Variants in PON3 observed in about 807,000 individuals in gnomAD.
The protein encoded by PON3 is serum paraoxonase/lactonase 3.
In PON3, 37 loss-of-function variants were observed where a neutral mutation model predicts 36.3. That is an observed-to-expected ratio of 1.02 (90% CI 0.78 to 1.34). The LOEUF (loss-of-function observed/expected upper bound fraction) is 1.34, where lower values mean the gene tolerates loss of function less well. Among genes scored for constraint, PON3 ranks in the 40% most tolerant of loss-of-function variants. PON3 has a pLI of 0.00. For missense variants in PON3, 415 were observed against 426.5 expected (o/e 0.97, Z 0.24); for synonymous variants, 155 against 154.8 (o/e 1.00, Z -0.01).
At chr7:95,368,207 A>G (rs561416703) in intron 4 of PON3, among the ~76,000 whole-genome samples, 44 of 152,164 alleles carry the variant, frequency 2.9e-4, no homozygotes, top group Admixed American at 1.6e-3. Context: ...AGGTTTGATG[A>G]GCTCTGGAGT....
intron 3 of PON3, among the ~76,000 whole-genome samples, chr7:95,383,518 A>T (rs2116410210): frequency 6.6e-6 from 1 of 152,328 alleles, no homozygotes; most frequent in South Asian, 2.1e-4. Flanking sequence ...CAGGATACAA[A>T]ATCAATGTGC....
At chr7:95,364,937 T>G (rs950108530) in intron 5 of PON3, 5 of 152,186 alleles carry the variant, frequency 3.3e-5, no homozygotes, top group Admixed American at 6.5e-5. Flanking sequence ...AAATAATGCT[T>G]AAACATTTTT....
At chr7:95,370,377 T>C (rs755561188) in intron 4 of PON3, among the ~76,000 whole-genome samples, 20 of 151,990 alleles carry the variant, frequency 1.3e-4, no homozygotes, top group Non-Finnish European at 2.4e-4. Flanking sequence ...ATTGGAGAGA[T>C]ACATTAAACA....
chr7:95,364,516 G>A (rs1381468317), intron 5 of PON3: 1 of 236,952 alleles, frequency 4.2e-6, no homozygotes, highest in African/African-American at 2.3e-5. Context: ...GTGGATGGAA[G>A]ATTTTAAGAA....
At chr7:95,392,340 T>C (rs1197026363) in intron 2 of PON3, among the ~76,000 whole-genome samples, 3 of 152,184 alleles carry the variant, frequency 2.0e-5, no homozygotes, top group Admixed American at 6.5e-5. Flanking sequence ...AATCAGAACA[T>C]TGACCTAAGA....
intron 3 of PON3, among the ~76,000 whole-genome samples, chr7:95,384,584 C>A (rs184333509): frequency 0.036 from 5,404 of 152,202 alleles, 321 homozygotes; most frequent in African/African-American, 0.12. Flanking sequence ...ATGCAGCCAA[C>A]AGACCCATGA....
intron 1 of PON3, 52 bp from the exon 2 acceptor site, chr7:95,394,766 T>A: frequency 7.0e-7 from 1 of 1,423,028 alleles, no homozygotes; most frequent in South Asian, 1.1e-5. Context: ...ATTCAAAATG[T>A]ATGTTTAAAT....
chr7:95,366,099 C>A (rs1453118013), intron 5 of PON3, among the ~76,000 whole-genome samples: 1 of 152,128 alleles, frequency 6.6e-6, no homozygotes, highest in Non-Finnish European at 1.5e-5. Context: ...TTGCCTCACA[C>A]TGGTTTCTCA....
chr7:95,371,300 G>A (rs1157308317), intron 4 of PON3, among the ~76,000 whole-genome samples: 1 of 145,844 alleles, frequency 6.9e-6, no homozygotes, highest in African/African-American at 2.8e-5. Context: ...CAATTCTCTT[G>A]AGCATACACC....
At position 95,395,061 on chromosome 7, in the gene PON3, A is replaced by T. The variant is rs1809399674; in HGVS notation, c.75-347T>A. 2.6e-5 allele frequency among the ~76,000 whole-genome samples: 4 copies of T among 152,360 alleles called. 1 individual carries two copies. The highest frequency in any genetic ancestry group is 1.3e-4 in the Admixed American group (2 of 15,308). On this transcript the variant is annotated intron_variant, in intron 1 of 8. Transcript: ENST00000265627. ...CGAAATAGCCCTAATTTTCTAAAGT[A>T]TCGTCTGTTATAAATCTGCACTTAA...
At chr7:95,364,360 G>A (rs146106632) in intron 5 of PON3, 3 of 429,114 alleles carry the variant, frequency 7.0e-6, no homozygotes, top group Non-Finnish European at 1.3e-5. Flanking sequence ...TGTTGATCAT[G>A]GTTATCTGTG....
At chr7:95,381,465 G>A (rs917929712) in intron 3 of PON3, among the ~76,000 whole-genome samples, 3 of 152,116 alleles carry the variant, frequency 2.0e-5, no homozygotes, top group Admixed American at 6.6e-5. Context: ...CCCATCTCAT[G>A]TGCAGAGACA....
intron 2 of PON3, among the ~76,000 whole-genome samples, chr7:95,391,954 C>T (rs1394293555): frequency 3.9e-5 from 6 of 152,174 alleles, no homozygotes; most frequent in East Asian, 1.9e-4. Flanking sequence ...TAGAAGGAAA[C>T]GATCTTGGCT....
chr7:95,370,475 A>G (rs1210436957), intron 4 of PON3, among the ~76,000 whole-genome samples: 2 of 152,230 alleles, frequency 1.3e-5, no homozygotes, highest in Non-Finnish European at 2.9e-5. Context: ...TAAAGACACC[A>G]TTATATATGA....
intron 3 of PON3, among the ~76,000 whole-genome samples, chr7:95,379,747 T>G (rs1809003097): frequency 6.6e-6 from 1 of 152,198 alleles, no homozygotes; most frequent in Non-Finnish European, 1.5e-5. Flanking sequence ...CAAGGATGCC[T>G]GCCTGCCTCT....
intron 2 of PON3, among the ~76,000 whole-genome samples, chr7:95,393,787 C>A (rs1809369940): frequency 6.6e-6 from 1 of 152,058 alleles, no homozygotes. Flanking sequence ...GCTGGAGCTG[C>A]CCTTTAACTG....
At chr7:95,360,244 C>A in intron 8 of PON3, 113 bp from the exon 9 acceptor site, 1 of 1,012,546 alleles carries the variant, frequency 9.9e-7, no homozygotes, top group Non-Finnish European at 1.5e-6. Context: ...AAGCTAAAAT[C>A]TGTATATCTT....
chr7:95,392,114 T>G (rs1474924653), intron 2 of PON3, among the ~76,000 whole-genome samples: 1 of 152,216 alleles, frequency 6.6e-6, no homozygotes, highest in East Asian at 1.9e-4. Context: ...TGTAAAGGAC[T>G]CAACAGGCTG....
chr7:95,390,263 C>G (rs112989056), intron 2 of PON3, 54 bp from the exon 3 acceptor site: 1 of 1,341,480 alleles, frequency 7.5e-7, no homozygotes, highest in African/African-American at 1.4e-5. Context: ...TTAAAAAATA[C>G]GTCTCACAGT....
Sources: gnomAD v4.1 joint callset for allele counts (sites outside exome capture counted in the v4.1 genomes callset) on GRCh38, gnomAD v4.1.1 for gene constraint, MANE v1.5 for transcripts, NCBI Gene and HGNC (gene_info 2026-07-23, HGNC 2026-07-21) for gene names.